LHFPL4: variants seen among roughly 807,000 people sequenced by gnomAD.
LHFPL4 encodes the protein LHFPL tetraspan subfamily member 4.
A neutral mutation model predicts 20.0 loss-of-function variants in LHFPL4; 6 were observed. That is an observed-to-expected ratio of 0.30 (90% CI 0.16 to 0.59). The LOEUF is 0.59. Ranked by LOEUF, LHFPL4 falls within the 20% of genes least tolerant of loss-of-function variation. The probability of loss-of-function intolerance (pLI) is 0.88; values close to 1 mark genes in which losing one functional copy is unlikely to be tolerated. For synonymous variants in LHFPL4, 129 were observed against 143.8 expected, an observed-to-expected ratio of 0.90 and a Z score of 0.74; for missense variants, 215 against 331.2, an observed-to-expected ratio of 0.65 and a Z score of 2.72.
At position 9,528,830 on chromosome 3, in the gene LHFPL4, G is replaced by A. The variant is rs187433772; in HGVS notation, c.407-22627C>T. Among the ~76,000 whole-genome samples, 316 of 151,768 alleles carry A rather than the reference G, an allele frequency of 2.1e-3. 2 individuals are homozygous for A. The highest frequency in any genetic ancestry group is 7.1e-3 in the African/African-American group (292 of 41,376). ...GGGTTTCACCGTGTTAGCCAGGCTC[G>A]TCTTGAACTCCTGACCTCAGGTGAT... is the stretch of plus-strand genomic sequence containing the variant. On this transcript the variant is annotated intron_variant, in intron 2 of 3. Transcript: ENST00000287585.
intron 2 of LHFPL4, among the ~76,000 whole-genome samples, chr3:9,510,881 T>C (rs1009395815): frequency 6.6e-6 from 1 of 151,454 alleles, no homozygotes; most frequent in Non-Finnish European, 1.5e-5. Flanking sequence ...GAGGTTGCAG[T>C]GAGCCAAGAT....
chr3:9,537,265 G>A (rs1198154698), intron 2 of LHFPL4, among the ~76,000 whole-genome samples: 1 of 151,974 alleles, frequency 6.6e-6, no homozygotes, highest in African/African-American at 2.4e-5. Flanking sequence ...CTGAAAACGT[G>A]TCAAATTCAT....
At chr3:9,515,022 G>A (rs1305264271) in intron 2 of LHFPL4, among the ~76,000 whole-genome samples, 1 of 152,156 alleles carries the variant, frequency 6.6e-6, no homozygotes, top group Non-Finnish European at 1.5e-5. Context: ...AAATACCAAG[G>A]TGTATGATTG....
chr3:9,539,516 T>C (rs887532302), intron 2 of LHFPL4, among the ~76,000 whole-genome samples: 1 of 149,670 alleles, frequency 6.7e-6, no homozygotes, highest in African/African-American at 2.5e-5. Flanking sequence ...CAATCCATCC[T>C]CTCCACCAAC....
intron 2 of LHFPL4, among the ~76,000 whole-genome samples, chr3:9,543,620 C>T (rs1245521303): frequency 6.6e-6 from 1 of 152,054 alleles, no homozygotes; most frequent in Non-Finnish European, 1.5e-5. Flanking sequence ...TAGCTACCTG[C>T]CCATCTAAGC....
intron 2 of LHFPL4, among the ~76,000 whole-genome samples, chr3:9,522,468 G>A (rs186585314): frequency 1.6e-3 from 244 of 152,080 alleles, no homozygotes; most frequent in African/African-American, 5.7e-3. Flanking sequence ...GGCTGGGCGT[G>A]GTGGCTCATG....
intron 2 of LHFPL4, among the ~76,000 whole-genome samples, chr3:9,526,671 C>A (rs1168053071): frequency 1.3e-5 from 2 of 152,148 alleles, no homozygotes; most frequent in African/African-American, 4.8e-5. Flanking sequence ...AATTAAGACA[C>A]AAGACAAAAT....
At chr3:9,512,387 G>A (rs1437076553) in intron 2 of LHFPL4, among the ~76,000 whole-genome samples, 1 of 152,208 alleles carries the variant, frequency 6.6e-6, no homozygotes, top group Admixed American at 6.5e-5. Context: ...AGGGTGGCGT[G>A]TGAGCAGGTC....
At chr3:9,512,775 C>T (rs985330924) in intron 2 of LHFPL4, among the ~76,000 whole-genome samples, 2 of 152,192 alleles carry the variant, frequency 1.3e-5, no homozygotes, top group Admixed American at 1.3e-4. Flanking sequence ...CTTCATCCAT[C>T]TCTCCATTCA....
Position 9,513,318 on chromosome 3 carries a change from G to A in LHFPL4, c.407-7115C>T, listed in dbSNP as rs192489092. Among the ~76,000 whole-genome samples, 222 of 151,842 alleles carry A rather than the reference G, an allele frequency of 1.5e-3. 1 individual carries two copies. The highest frequency in any genetic ancestry group is 5.0e-3 in the African/African-American group (209 of 41,406). On this transcript the variant is annotated intron_variant, in intron 2 of 3. Coordinates refer to ENST00000287585, the MANE Select transcript of LHFPL4 (RefSeq NM_198560.3). ...TGGGTCATTTATTTTATTTTATTTT[G>A]TTTTGTTTTTGCGACAGGTCTTGCT...
At chr3:9,547,903 T>C (rs554540667) in intron 2 of LHFPL4, among the ~76,000 whole-genome samples, 1 of 152,310 alleles carries the variant, frequency 6.6e-6, no homozygotes, top group Non-Finnish European at 1.5e-5. Context: ...CCTCCCAGGC[T>C]CAAGCGATCC....
At chr3:9,510,506 G>A (rs1019152832) in intron 2 of LHFPL4, among the ~76,000 whole-genome samples, 1 of 151,602 alleles carries the variant, frequency 6.6e-6, no homozygotes, top group East Asian at 1.9e-4. Context: ...TAGGGGCAGA[G>A]GCTCTAGGAT....
chr3:9,537,264 T>C (rs1253641945), intron 2 of LHFPL4, among the ~76,000 whole-genome samples: 1 of 151,984 alleles, frequency 6.6e-6, no homozygotes, highest in African/African-American at 2.4e-5. Flanking sequence ...CCTGAAAACG[T>C]GTCAAATTCA....
At chr3:9,534,565 C>T (rs2046433708) in intron 2 of LHFPL4, among the ~76,000 whole-genome samples, 1 of 152,192 alleles carries the variant, frequency 6.6e-6, no homozygotes, top group South Asian at 2.1e-4. Context: ...TTGGCTCCTT[C>T]TAAAGAGGGG....
chr3:9,514,614 A>G lies in LHFPL4; in HGVS notation c.407-8411T>C, dbSNP rs561634174. ...TTTATGTACCATTGTAGCATATCATACAGAGTATTTTCACTGCCCTAAAAA... is the reference window on the plus strand; with the variant it reads ...TTTATGTACCATTGTAGCATATCATGCAGAGTATTTTCACTGCCCTAAAAA... On this transcript the variant is annotated intron_variant, in intron 2 of 3. Coordinates refer to ENST00000287585, the MANE Select transcript of LHFPL4 (RefSeq NM_198560.3). 3.9e-4 allele frequency among the ~76,000 whole-genome samples: 60 copies of G among 152,228 alleles called. 1 individual carries two copies. Among genetic ancestry groups the G allele is most frequent in the Middle Eastern group, 3.2e-3 (1 of 316 alleles).
At chr3:9,550,252 CAG>C (rs1178273544) in intron 2 of LHFPL4, among the ~76,000 whole-genome samples, 1 of 152,220 alleles carries the variant, frequency 6.6e-6, no homozygotes, top group Non-Finnish European at 1.5e-5. Context: ...CCAGAGAACT[CAG>C]AAATCTCTGA....
chr3:9,511,908 T>G (rs541494192), intron 2 of LHFPL4, among the ~76,000 whole-genome samples: 2 of 151,130 alleles, frequency 1.3e-5, no homozygotes, highest in Admixed American at 1.3e-4. Context: ...CACAGGAGGC[T>G]TGGCTGCATC....
At position 9,523,860 on chromosome 3, in the gene LHFPL4, C is replaced by T. The variant is rs548451983; in HGVS notation, c.407-17657G>A. On this transcript the variant is annotated intron_variant, in intron 2 of 3. Transcript: ENST00000287585. ...TTTCTCTAAAGAACTTCTTTGAACA[C>T]TTCTTGCAAAGCAGGTCTACTGGTA... 2.6e-5 allele frequency among the ~76,000 whole-genome samples: 4 copies of T among 152,212 alleles called. No homozygotes were observed. The East Asian group carries it at 7.7e-4, about 29-fold the overall frequency.
intron 2 of LHFPL4, among the ~76,000 whole-genome samples, chr3:9,513,359 T>A (rs1472193095): frequency 3.3e-5 from 5 of 152,120 alleles, no homozygotes; most frequent in African/African-American, 1.2e-4. Flanking sequence ...ACTTGTTTTG[T>A]CTTGCTCTGT....
Sources: gnomAD v4.1 joint callset for allele counts (sites outside exome capture counted in the v4.1 genomes callset) on GRCh38, gnomAD v4.1.1 for gene constraint, MANE v1.5 for transcripts, NCBI Gene and HGNC (gene_info 2026-07-23, HGNC 2026-07-21) for gene names.